Variants in TECTA observed in about 807,000 individuals in gnomAD.
TECTA encodes alpha-tectorin.
In TECTA, 128 loss-of-function variants were observed where a neutral mutation model predicts 216.8. The ratio of observed to expected loss-of-function variants is 0.59; its 90% CI spans 0.51 to 0.68. The LOEUF is 0.68. TECTA is among the 30% of genes least tolerant of loss of function. The pLI, the probability that TECTA is intolerant of heterozygous loss-of-function variation, is 0.00. For synonymous variants in TECTA, 1,089 were observed against 1,117.1 expected, an observed-to-expected ratio of 0.97 and a Z score of 0.50; for missense variants, 2,551 against 2,786.2, an observed-to-expected ratio of 0.92 and a Z score of 1.90.
chr11:121,168,662 T>C lies in TECTA; in HGVS notation c.5751-15T>C, dbSNP rs1351004798. Reference sequence around the variant, plus strand: ...ATTGTTTTGGATTCCTGTCTCATAATTGTTTCCGTTTTAGTGTAATTAACC... The same window carrying C: ...ATTGTTTTGGATTCCTGTCTCATAACTGTTTCCGTTTTAGTGTAATTAACC... On this transcript the variant is annotated splice_polypyrimidine_tract_variant and intron_variant, in intron 19 of 23. Coordinates refer to ENST00000392793, the MANE Select transcript of TECTA (RefSeq NM_005422.4). The C allele has an allele frequency of 3.1e-6, 5 of 1,614,142 alleles. No homozygotes were observed. The highest frequency in any genetic ancestry group is 4.2e-6 in the Non-Finnish European group (5 of 1,179,984).
intron 13 of TECTA, among the ~76,000 whole-genome samples, chr11:121,154,594 C>T (rs1946923537): frequency 6.6e-6 from 1 of 152,182 alleles, no homozygotes; most frequent in Non-Finnish European, 1.5e-5. Context: ...TGCCATGCAC[C>T]CTCGGCAGGC....
intron 20 of TECTA, among the ~76,000 whole-genome samples, chr11:121,182,402 G>A (rs754016214): frequency 6.6e-6 from 1 of 152,080 alleles, no homozygotes; most frequent in Non-Finnish European, 1.5e-5. Context: ...TGGCAGGCTG[G>A]GTGGGCCTGC....
chr11:121,175,047 T>A (rs1195105810), intron 20 of TECTA, among the ~76,000 whole-genome samples: 2 of 152,120 alleles, frequency 1.3e-5, no homozygotes, highest in East Asian at 3.8e-4. Flanking sequence ...ATCCCCTTTA[T>A]CATTTTTTAT....
At chr11:121,176,136 T>C (rs1393606712) in intron 20 of TECTA, among the ~76,000 whole-genome samples, 1 of 151,886 alleles carries the variant, frequency 6.6e-6, no homozygotes. Flanking sequence ...CTTGACTCTT[T>C]ATCCAATTTG....
At chr11:121,190,217 G>T (rs1237240097) in intron 23 of TECTA, 1 of 375,452 alleles carries the variant, frequency 2.7e-6, no homozygotes. Flanking sequence ...GCTTCCTCCA[G>T]CAAACAAGCC....
chr11:121,130,197 C>A lies in TECTA; in HGVS notation c.2927C>A (p.Thr976Asn), dbSNP rs1180005349. The A allele has an allele frequency of 6.2e-7, 1 of 1,600,500 alleles. No individual in the cohort carries two copies. Among genetic ancestry groups the A allele is most frequent in the East Asian group, 2.2e-5 (1 of 44,876 alleles). ...NADVEVGPWR[T>N]YDFCPLECPE... ...GACGTGGAGGTGGGGCCCTGGCGGA[C>A]CTATGACTTCTGCCGTAAGTTGGGG... Residue 976 changes from threonine to asparagine, a missense_variant, in exon 10 of 24, where the codon ACC becomes AAC. Physicochemically the swap from Thr to Asn is moderately conservative, Grantham distance 65. Around this residue, in one of 3 missense-constraint regions of TECTA, gnomAD observed 2,375 missense variants for 2,563.9 expected, o/e 0.93. Transcript: ENST00000392793.
intron 21 of TECTA, among the ~76,000 whole-genome samples, chr11:121,188,775 C>A (rs1947312973): frequency 6.6e-6 from 1 of 152,220 alleles, no homozygotes; most frequent in Non-Finnish European, 1.5e-5. Context: ...TGAGACACAG[C>A]AATCCTATTC....
chr11:121,141,565 C>T (rs1467369477), intron 11 of TECTA, among the ~76,000 whole-genome samples: 1 of 152,216 alleles, frequency 6.6e-6, no homozygotes, highest in Non-Finnish European at 1.5e-5. Context: ...CCATCTCAGC[C>T]ATCCACAGCC....
In TECTA at chr11:121,148,273, A is replaced by G. The variant is rs145711503; in HGVS notation, c.4105+2157A>G. Reference sequence around the variant, plus strand: ...ACGCCAGGGCCAACAGGTAACTTAGAATCGTTCCCATCACAAAGAGACTTA... The same window carrying G: ...ACGCCAGGGCCAACAGGTAACTTAGGATCGTTCCCATCACAAAGAGACTTA... On this transcript the variant is annotated intron_variant, in intron 12 of 23. Transcript: ENST00000392793. Among the ~76,000 whole-genome samples, 286 of 152,308 alleles carry G rather than the reference A, an allele frequency of 1.9e-3. 1 individual carries two copies. The highest frequency in any genetic ancestry group is 6.4e-3 in the African/African-American group (266 of 41,564).
intron 20 of TECTA, among the ~76,000 whole-genome samples, chr11:121,178,467 G>A (rs1947191774): frequency 6.7e-6 from 1 of 149,894 alleles, no homozygotes; most frequent in Non-Finnish European, 1.5e-5. Context: ...CAGTTTGCTA[G>A]TATTTTCTTG....
chr11:121,137,938 A>T lies in TECTA; in HGVS notation c.3459A>T (p.Ser1153=). The change falls in exon 11 of 24, where the codon TCA becomes TCT. Residue 1153 remains serine (S), a synonymous_variant. Transcript: ENST00000392793. ...CCAAGAATGAGGACCGGGACCCGTC[A>T]CTGGCCTTGTGGGTTAAGCAGGTGG... ...VTAKNEDRDP[S]LALWVKQVDV... 2 of 1,610,614 alleles carry T rather than the reference A, an allele frequency of 1.2e-6. No homozygotes were observed. The highest frequency in any genetic ancestry group is 1.7e-6 in the Non-Finnish European group (2 of 1,177,086).
At chr11:121,157,779 G>C in intron 13 of TECTA, 62 bp from the exon 14 acceptor site, 1 of 1,611,108 alleles carries the variant, frequency 6.2e-7, no homozygotes, top group East Asian at 2.2e-5. Context: ...GGGGGACTGG[G>C]CTTTCGGGTC....
intron 20 of TECTA, among the ~76,000 whole-genome samples, chr11:121,177,871 C>A (rs1181628504): frequency 3.3e-5 from 5 of 152,212 alleles, no homozygotes; most frequent in Admixed American, 3.3e-4. Context: ...CCTAAGCAAG[C>A]CTGGGCAATG....
In TECTA at chr11:121,128,116, C is replaced by G. The variant is rs768295360; in HGVS notation, c.2139C>G (p.Cys713Trp). 7 of 1,612,990 alleles carry G rather than the reference C, an allele frequency of 4.3e-6. No individual in the cohort carries two copies. Among genetic ancestry groups the G allele is most frequent in the Non-Finnish European group, 5.9e-6 (7 of 1,179,970 alleles). Residue 713 changes from cysteine to tryptophan, a missense_variant, in exon 9 of 24, where the codon TGC becomes TGG. Transcript: ENST00000392793. ...QGCFPKRETV[C>W]LLSQNQVLHT... ...GCTTCCCCAAGCGGGAGACCGTGTGCCTGCTCAGCCAGAACCAGGTGCTGC... is the reference window on the plus strand; with the variant it reads ...GCTTCCCCAAGCGGGAGACCGTGTGGCTGCTCAGCCAGAACCAGGTGCTGC...
At chr11:121,129,550 G>A (rs577007845) in intron 9 of TECTA, 88 bp from the exon 10 acceptor site, 61 of 1,375,754 alleles carry the variant, frequency 4.4e-5, no homozygotes, top group Non-Finnish European at 5.9e-5. Flanking sequence ...GCTAGCAATA[G>A]GGCAGACCGT....
At chr11:121,160,011 G>A in intron 14 of TECTA, 124 bp from the exon 15 acceptor site, 1 of 1,022,478 alleles carries the variant, frequency 9.8e-7, no homozygotes, top group Non-Finnish European at 1.5e-6. Context: ...GGGACAGAAT[G>A]GAGTCGTTGA....
intron 20 of TECTA, among the ~76,000 whole-genome samples, chr11:121,176,595 G>T (rs1211959780): frequency 1.0e-4 from 14 of 139,916 alleles, no homozygotes; most frequent in Non-Finnish European, 1.8e-4. Context: ...TTTCTCTCTG[G>T]CTGCCCTTAA....
chr11:121,119,948 G>T (rs1259050894), intron 7 of TECTA, among the ~76,000 whole-genome samples: 1 of 152,182 alleles, frequency 6.6e-6, no homozygotes, highest in Admixed American at 6.5e-5. Context: ...GAAATTTGGA[G>T]ATTTTCCCTT....
Position 121,190,974 on chromosome 11 carries a change from C to T in TECTA, c.*168C>T. On this transcript the variant is annotated 3_prime_UTR_variant, in exon 24 of 24. Coordinates refer to ENST00000392793, the MANE Select transcript of TECTA (RefSeq NM_005422.4). Reference sequence around the variant, plus strand: ...GTCCAGAAACCAGCGACCATCCAAGCTCCTCTTTCAGAGTATGAAACGGGG... The same window carrying T: ...GTCCAGAAACCAGCGACCATCCAAGTTCCTCTTTCAGAGTATGAAACGGGG... 1.7e-6 allele frequency: 1 copy of T among 593,496 alleles called. No homozygotes were observed. Among genetic ancestry groups the T allele is most frequent in the African/African-American group, 1.9e-5 (1 of 53,872 alleles). 36.8% of individuals were successfully genotyped at this position (593,496 alleles called of 1,614,324 possible).
Sources: gnomAD v4.1 joint callset for allele counts (sites outside exome capture counted in the v4.1 genomes callset) on GRCh38, gnomAD v4.1.1 for gene constraint, gnomAD v4.1.1 regional missense constraint, MANE v1.5 for transcripts, NCBI Gene and HGNC (gene_info 2026-07-23, HGNC 2026-07-21) for gene names.